CLEC16A: variants seen among roughly 807,000 people sequenced by gnomAD.
The protein encoded by CLEC16A is protein CLEC16A.
In CLEC16A, 51 loss-of-function variants were observed where a neutral mutation model predicts 109.5. That is an observed-to-expected ratio of 0.47 (90% confidence interval 0.37 to 0.59). CLEC16A has a LOEUF of 0.59. Among genes scored for constraint, CLEC16A ranks in the 20% least tolerant of loss-of-function variants. The pLI, the probability that CLEC16A is intolerant of heterozygous loss-of-function variation, is 0.00. For synonymous variants in CLEC16A, 673 were observed against 564.2 expected, an observed-to-expected ratio of 1.19 and a Z score of -2.73; for missense variants, 1,339 against 1,394.0, an observed-to-expected ratio of 0.96 and a Z score of 0.63.
chr16:11,131,782 G>T (rs891874481), intron 22 of CLEC16A, among the ~76,000 whole-genome samples: 2 of 152,132 alleles, frequency 1.3e-5, no homozygotes, highest in Non-Finnish European at 2.9e-5. Context: ...GTCCCATGCA[G>T]TCTGGCCCCT....
Position 11,015,967 on chromosome 16 carries a change from T to C in CLEC16A, c.1304-4226T>C, listed in dbSNP as rs988659298. ...GAGGAGGAGGCTAGCCTCACAGGCT[T>C]GCTTGGGAGTCTTCAGATGTCTGAT... On this transcript the variant is annotated intron_variant, in intron 11 of 23. Coordinates refer to ENST00000409790, the MANE Select transcript of CLEC16A (RefSeq NM_015226.3). 5.3e-5 allele frequency among the ~76,000 whole-genome samples: 8 copies of C among 152,232 alleles called. No homozygotes were observed. In the East Asian group the frequency reaches 1.3e-3, roughly 26 times the overall value.
At chr16:11,013,288 A>C (rs1191977685) in intron 11 of CLEC16A, among the ~76,000 whole-genome samples, 1 of 152,226 alleles carries the variant, frequency 6.6e-6, no homozygotes, top group African/African-American at 2.4e-5. Context: ...TAATCTGAGC[A>C]TCCTTCCTTT....
At chr16:10,960,783 G>A (rs917911988) in intron 2 of CLEC16A, among the ~76,000 whole-genome samples, 19 of 152,224 alleles carry the variant, frequency 1.2e-4, no homozygotes, top group African/African-American at 3.9e-4. Flanking sequence ...ATATGGACTC[G>A]TGGATATTTA....
intron 19 of CLEC16A, among the ~76,000 whole-genome samples, chr16:11,077,964 CGTGTGTGTGTGTGTGTGTGTGTGTGTGT>C (rs34576806): frequency 7.4e-6 from 1 of 135,540 alleles, no homozygotes; most frequent in Non-Finnish European, 1.6e-5. Flanking sequence ...CAAAAAAAAA[CGTGTGTGTGTGTGTGTGTGTGTGTGTGT>C]GTGTGTGTGT....
At chr16:11,003,383 C>A in intron 11 of CLEC16A, 78 bp downstream of exon 11, 1 of 1,135,850 alleles carries the variant, frequency 8.8e-7, no homozygotes, top group Non-Finnish European at 1.3e-6. Flanking sequence ...TGTGCCCTCT[C>A]CACCCAGACT....
intron 21 of CLEC16A, 138 bp downstream of exon 21, chr16:11,124,084 T>A: frequency 1.2e-6 from 1 of 820,572 alleles, no homozygotes; most frequent in Admixed American, 2.7e-5. Context: ...TATATACGAA[T>A]ACGAGGAAGT....
At chr16:11,054,538 T>C (rs2048111393) in intron 18 of CLEC16A, among the ~76,000 whole-genome samples, 1 of 152,312 alleles carries the variant, frequency 6.6e-6, no homozygotes, top group Admixed American at 6.5e-5. Context: ...CTAGAGTCTC[T>C]TTGCCTGTCT....
At chr16:10,983,910 G>A (rs1000631190) in intron 10 of CLEC16A, among the ~76,000 whole-genome samples, 2 of 148,314 alleles carry the variant, frequency 1.3e-5, no homozygotes, top group African/African-American at 5.0e-5. Context: ...TGAATCAGCT[G>A]CAGTCTGGGC....
intron 11 of CLEC16A, among the ~76,000 whole-genome samples, chr16:11,008,455 G>T (rs1011232971): frequency 6.6e-6 from 1 of 152,060 alleles, no homozygotes; most frequent in African/African-American, 2.4e-5. Flanking sequence ...TATCAGGGAA[G>T]CTCAAGAATC....
At chr16:10,951,964 A>G (rs1214824077) in intron 1 of CLEC16A, among the ~76,000 whole-genome samples, 1 of 152,222 alleles carries the variant, frequency 6.6e-6, no homozygotes, top group Non-Finnish European at 1.5e-5. Flanking sequence ...ACAGTTGTCA[A>G]TAACCAAAAA....
intron 12 of CLEC16A, among the ~76,000 whole-genome samples, chr16:11,020,665 C>T (rs1386040568): frequency 6.6e-6 from 1 of 152,218 alleles, no homozygotes; most frequent in Non-Finnish European, 1.5e-5. Flanking sequence ...AAGGAAGGAT[C>T]CCCTCAGTAG....
chr16:11,023,274 A>G (rs2046227096), intron 12 of CLEC16A, among the ~76,000 whole-genome samples: 3 of 152,166 alleles, frequency 2.0e-5, no homozygotes, highest in African/African-American at 7.2e-5. Context: ...TAATGGTTTT[A>G]TGATACTTCA....
intron 12 of CLEC16A, among the ~76,000 whole-genome samples, chr16:11,021,011 A>G (rs1401889473): frequency 2.0e-5 from 3 of 152,200 alleles, no homozygotes; most frequent in Non-Finnish European, 4.4e-5. Context: ...AGACCCCTGC[A>G]ACAGCCTCCT....
In CLEC16A at chr16:11,178,888, C is replaced by A; in HGVS notation, c.*198C>A. On this transcript the variant is annotated 3_prime_UTR_variant, in exon 24 of 24. Transcript: ENST00000409790. The surrounding 1 kb of genome is among the most constrained non-coding windows in gnomAD (Gnocchi z 6.5). Reference sequence around the variant, plus strand: ...ATTCCTTTTTCACTTTGCATCTCTTCACGTGCAGGCTGGGACCAGCGGAGA... The same window carrying A: ...ATTCCTTTTTCACTTTGCATCTCTTAACGTGCAGGCTGGGACCAGCGGAGA... 1.9e-6 allele frequency: 1 copy of A among 538,338 alleles called. No individual in the cohort carries two copies. Among genetic ancestry groups the A allele is most frequent in the Non-Finnish European group, 3.2e-6 (1 of 308,202 alleles). 33.3% of individuals were successfully genotyped at this position (538,338 alleles called of 1,614,324 possible).
chr16:11,146,678 C>A (rs1456066142), intron 22 of CLEC16A, among the ~76,000 whole-genome samples: 1 of 140,374 alleles, frequency 7.1e-6, no homozygotes, highest in African/African-American at 2.7e-5. Flanking sequence ...GATAGATGGA[C>A]TGGCAGATGG....
intron 10 of CLEC16A, among the ~76,000 whole-genome samples, chr16:10,987,452 C>G (rs531139826): frequency 3.4e-4 from 52 of 152,296 alleles, no homozygotes; most frequent in Non-Finnish European, 4.9e-4. Context: ...ATGGCCTCTT[C>G]TTAGGATGAA....
chr16:11,104,749 A>G (rs1224351255), intron 19 of CLEC16A, among the ~76,000 whole-genome samples: 1 of 152,138 alleles, frequency 6.6e-6, no homozygotes, highest in Non-Finnish European at 1.5e-5. Context: ...CAGATAAGGA[A>G]ACAGCCTCTG....
chr16:11,149,865 G>A (rs140343774), intron 22 of CLEC16A: 1 of 151,740 alleles, frequency 6.6e-6, no homozygotes, highest in Non-Finnish European at 1.5e-5. Context: ...GTCATCATTT[G>A]CCTTATTTTT....
At chr16:11,099,746 G>C (rs945959158) in intron 19 of CLEC16A, among the ~76,000 whole-genome samples, 6 of 152,226 alleles carry the variant, frequency 3.9e-5, no homozygotes, top group African/African-American at 1.4e-4. Flanking sequence ...ACCCAGGTGC[G>C]AGGACGGGGC....
Sources: allele counts gnomAD v4.1 joint callset (sites outside exome capture counted in the v4.1 genomes callset), GRCh38; gene constraint gnomAD v4.1.1; non-coding constraint Gnocchi (gnomAD v3.1); transcripts MANE v1.5; gene names NCBI Gene and HGNC (gene_info 2026-07-23, HGNC 2026-07-21).